FAT2: variants seen among roughly 807,000 people sequenced by gnomAD.
The protein encoded by FAT2 is protocadherin Fat 2.
FAT2 carries 150 observed loss-of-function variants against 295.3 expected under a neutral mutation model. The observed-to-expected ratio is 0.51, with a 90% CI of 0.44 to 0.58. The LOEUF is 0.58. FAT2 is among the 20% of genes least tolerant of loss of function. The probability of loss-of-function intolerance (pLI) is 0.00; values close to 1 mark genes in which losing one functional copy is unlikely to be tolerated. For missense variants in FAT2, 4,868 were observed against 5,442.7 expected (o/e 0.89, Z 3.32); for synonymous variants, 2,026 against 2,150.3 (o/e 0.94, Z 1.60).
In FAT2 at chr5:151,531,693, C is replaced by T. The variant is rs537852650; in HGVS notation, c.9705G>A (p.Thr3235=). The T allele has an allele frequency of 5.0e-6, 8 of 1,613,876 alleles. No individual in the cohort carries two copies. In the East Asian group the frequency reaches 8.9e-5, roughly 18 times the overall value. The change falls in exon 14 of 24, where the codon ACG becomes ACA. Residue 3235 remains threonine, a synonymous_variant. Transcript: ENST00000261800. This position sits in a 1 kb window ranked among gnomAD's most constrained non-coding sequence, Gnocchi z 5.7. Reference sequence around the variant, plus strand: ...TGAGGGTGGCCAGCTGCAGCACCTCCGTGCCAGGTGGGGCGTCCTCGGGCA... The same window carrying T: ...TGAGGGTGGCCAGCTGCAGCACCTCTGTGCCAGGTGGGGCGTCCTCGGGCA... The part of the protein sequence containing the change: ...VQVPEDAPPG[T]EVLQLATLTR...
Position 151,521,903 on chromosome 5 carries a change from G to T in FAT2, c.10690C>A (p.Leu3564Met). 1 of 1,613,946 alleles carries T rather than the reference G, an allele frequency of 6.2e-7. No individual in the cohort carries two copies. Among genetic ancestry groups the T allele is most frequent in the Non-Finnish European group, 8.5e-7 (1 of 1,179,824 alleles). Residue 3564 changes from leucine to methionine, a missense_variant, in exon 19 of 24, where the codon CTG becomes ATG. Around this residue, in one of 5 missense-constraint regions of FAT2, gnomAD observed 1,046 missense variants for 1,210.1 expected, o/e 0.86. Coordinates refer to ENST00000261800, the MANE Select transcript of FAT2 (RefSeq NM_001447.3). Reference protein sequence around the residue: ...HATDRDPQDTLTYSLAEEETL... With the variant: ...HATDRDPQDTMTYSLAEEETL... ...TCCTCTTCTGCCAGGCTATAGGTCA[G>T]CGTGTCCTGGGGGTCTCGGTCTGTG...
intron 11 of FAT2, 114 bp from the exon 12 acceptor site, chr5:151,538,060 C>T: frequency 1.2e-6 from 1 of 822,486 alleles, no homozygotes; most frequent in Non-Finnish European, 1.9e-6. Flanking sequence ...ACTAAGAGGG[C>T]AGAGACGAAG....
At chr5:151,570,440 G>A (rs150602758) in intron 1 of FAT2, among the ~76,000 whole-genome samples, 23 of 152,326 alleles carry the variant, frequency 1.5e-4, no homozygotes, top group East Asian at 1.4e-3. Flanking sequence ...GTGTGTGGCC[G>A]GGTAAGAACT....
intron 21 of FAT2, chr5:151,511,923 C>T (rs1211636766): frequency 7.3e-6 from 4 of 548,416 alleles, no homozygotes; most frequent in Admixed American, 6.2e-5. Context: ...CCCCTGAGGT[C>T]CCCATTCATA....
At chr5:151,553,480 T>G (rs879251154) in intron 5 of FAT2, 93 bp from the exon 6 acceptor site, 2 of 1,115,270 alleles carry the variant, frequency 1.8e-6, no homozygotes, top group Non-Finnish European at 2.6e-6. Flanking sequence ...CCTGTGATTC[T>G]GACCAAGCAG....
chr5:151,565,647 A>G (rs1301233900), intron 2 of FAT2, 26 bp downstream of exon 2: 3 of 1,461,022 alleles, frequency 2.1e-6, no homozygotes, highest in South Asian at 2.6e-5. Flanking sequence ...TGGCCCTGGC[A>G]CCCCACCCTA....
intron 3 of FAT2, 87 bp from the exon 4 acceptor site, chr5:151,556,489 C>A: frequency 1.2e-6 from 1 of 848,132 alleles, no homozygotes. Flanking sequence ...ACATTCAAAT[C>A]TCAGATAAGA....
rs1396775105 is a variant in FAT2 at position 151,544,681 on chromosome 5, C to A, written c.6446G>T (p.Gly2149Val). The change falls in exon 10 of 24, where the codon GGA (glycine) becomes GTA (valine). Residue 2149 changes from glycine to valine, a missense_variant. Gly to Val is a moderately radical substitution (Grantham distance 109). This residue lies in a region of FAT2 where 3,297 missense variants were observed against 3,669.4 expected (regional missense o/e 0.90). Transcript: ENST00000261800. The part of the protein sequence containing the change: ...YHLKVIARDG[G>V]TPSLQSEEEV... ...TTCCTCACTCTGGAGGGATGGCGTT[C>A]CTCCATCCCGAGCAATGACTTTGAG... is the stretch of plus-strand genomic sequence containing the variant. The A allele has an allele frequency of 1.9e-6, 3 of 1,614,006 alleles. No individual in the cohort carries two copies. The South Asian group carries it at 3.3e-5, about 18-fold the overall frequency.
At chr5:151,539,262 G>A (rs1417276771) in intron 11 of FAT2, among the ~76,000 whole-genome samples, 1 of 152,168 alleles carries the variant, frequency 6.6e-6, no homozygotes, top group African/African-American at 2.4e-5. Context: ...GTGCTTTTAT[G>A]TGACTGGCAT....
chr5:151,531,790 G>A lies in FAT2; in HGVS notation c.9608C>T (p.Thr3203Ile), dbSNP rs546346603. Residue 3203 changes from threonine (T) to isoleucine (I), a missense_variant, in exon 14 of 24, where the codon ACC becomes ATC. By Grantham distance (89) the Thr-to-Ile change is moderately conservative (BLOSUM62 -1). Around this residue, in one of 5 missense-constraint regions of FAT2, gnomAD observed 1,046 missense variants for 1,210.1 expected, o/e 0.86. Coordinates refer to ENST00000261800, the MANE Select transcript of FAT2 (RefSeq NM_001447.3). This position sits in a 1 kb window ranked among gnomAD's most constrained non-coding sequence, Gnocchi z 5.7. ...GTPIPLSTLG[T>I]VTVSVVGLED... is the part of the protein sequence containing the mutation. ...TAGGCCCACCACCGAGACTGTGACG[G>A]TGCCCAGCGTGGACAGCGGTATTGG... The A allele has an allele frequency of 6.2e-7, 1 of 1,612,908 alleles. No individual in the cohort carries two copies. The highest frequency in any genetic ancestry group is 1.1e-5 in the South Asian group (1 of 91,084).
intron 14 of FAT2, among the ~76,000 whole-genome samples, chr5:151,530,035 T>C (rs1038344754): frequency 6.6e-6 from 1 of 152,058 alleles, no homozygotes; most frequent in African/African-American, 2.4e-5. Flanking sequence ...AGTCAGAAAA[T>C]AATGAGGAGT....
rs1326904284 is a variant in FAT2 at position 151,542,913 on chromosome 5, A to G, written c.8214T>C (p.Gly2738=). The change falls in exon 10 of 24, where the codon GGT becomes GGC. Residue 2738 remains glycine (G), a synonymous_variant. Coordinates refer to ENST00000261800, the MANE Select transcript of FAT2 (RefSeq NM_001447.3). The part of the protein sequence containing the change: ...RGTTPESNKD[G]VFSLDPDTGV... ...CTGTGTCTGGGTCTAGGGAGAAGAC[A>G]CCATCCTTGTTGCTCTCAGGTGTAG... The G allele has an allele frequency of 1.2e-6, 2 of 1,614,078 alleles. No individual in the cohort carries two copies. Among genetic ancestry groups the G allele is most frequent in the East Asian group, 2.2e-5 (1 of 44,900 alleles).
chr5:151,541,030 T>C (rs1029489117), intron 10 of FAT2, among the ~76,000 whole-genome samples: 1 of 152,230 alleles, frequency 6.6e-6, no homozygotes, highest in Admixed American at 6.5e-5. Context: ...GTTTTTTGTT[T>C]TGTGGCCCAG....
At chr5:151,532,117 C>T in intron 13 of FAT2, 147 bp from the exon 14 acceptor site, 1 of 1,036,662 alleles carries the variant, frequency 9.6e-7, no homozygotes, top group Non-Finnish European at 1.4e-6. Context: ...GTGAGGGTCT[C>T]TCCAGCGGGG....
In FAT2 at chr5:151,549,504, A is replaced by G. The variant is rs757528421; in HGVS notation, c.4580T>C (p.Val1527Ala). ...CTTGATAGGTATTTCCTGGTCTCGGACCTATGGGCCCAAAGGGGGTAATTG... is the reference window on the plus strand; with the variant it reads ...CTTGATAGGTATTTCCTGGTCTCGGGCCTATGGGCCCAAAGGGGGTAATTG... ...GPSQHTLTVMVRDQEIPIKRN... is the reference protein window; with the variant it reads ...GPSQHTLTVMARDQEIPIKRN... Residue 1527 changes from valine to alanine, a missense_variant and splice_region_variant, in exon 9 of 24, where the codon GTC becomes GCC. Physicochemically the swap from Val to Ala is moderately conservative, Grantham distance 64 (BLOSUM62 0). Transcript: ENST00000261800. 6.2e-7 allele frequency: 1 copy of G among 1,613,990 alleles called. No individual in the cohort carries two copies. Among genetic ancestry groups the G allele is most frequent in the African/African-American group, 1.3e-5 (1 of 74,930 alleles).
intron 10 of FAT2, 134 bp from the exon 11 acceptor site, chr5:151,540,897 C>A: frequency 1.3e-6 from 1 of 763,014 alleles, no homozygotes; most frequent in South Asian, 2.0e-5. Context: ...TAACTAGGAA[C>A]CCACGATTCT....
intron 19 of FAT2, among the ~76,000 whole-genome samples, chr5:151,518,330 C>T (rs1411502275): frequency 7.0e-6 from 1 of 142,774 alleles, no homozygotes; most frequent in Non-Finnish European, 1.5e-5. Context: ...GCCTGGGTGA[C>T]AGAGAGAGAC....
At chr5:151,565,647 A>AGCCCC in intron 2 of FAT2, 26 bp downstream of exon 2, 37 of 1,461,006 alleles carry the variant, frequency 2.5e-5, no homozygotes, top group Non-Finnish European at 2.9e-5. Flanking sequence ...TGGCCCTGGC[A>AGCCCC]CCCCACCCTA....
chr5:151,548,561 A>G (rs183659748), intron 9 of FAT2, among the ~76,000 whole-genome samples: 51 of 152,170 alleles, frequency 3.4e-4, no homozygotes, highest in Admixed American at 5.9e-4. Context: ...GCTCACTGCA[A>G]CCTCTGCCTC....
Sources: gnomAD v4.1 joint callset for allele counts (sites outside exome capture counted in the v4.1 genomes callset) on GRCh38, gnomAD v4.1.1 for gene constraint, gnomAD v4.1.1 regional missense constraint, Gnocchi (gnomAD v3.1) non-coding constraint, MANE v1.5 for transcripts, NCBI Gene and HGNC (gene_info 2026-07-23, HGNC 2026-07-21) for gene names.